The following AJAP1 variants were observed in gnomAD, a reference collection of about 807,000 sequenced individuals.
AJAP1 encodes adherens junctions associated protein 1.
AJAP1 carries 5 observed loss-of-function variants against 35.0 expected under a neutral mutation model. That is an observed-to-expected ratio of 0.14 (90% CI 0.07 to 0.30). AJAP1 has a LOEUF of 0.30. Among genes scored for constraint, AJAP1 ranks in the 10% least tolerant of loss-of-function variants. The pLI, the probability that AJAP1 is intolerant of heterozygous loss-of-function variation, is 1.00. For synonymous variants in AJAP1, 284 were observed against 249.3 expected (o/e 1.14, Z -1.31); for missense variants, 586 against 571.0 (o/e 1.03, Z -0.27).
At chr1:4,768,980 C>T (rs926096384) in intron 2 of AJAP1, among the ~76,000 whole-genome samples, 2 of 152,180 alleles carry the variant, frequency 1.3e-5, no homozygotes, top group Non-Finnish European at 2.9e-5. Flanking sequence ...GGTTTTGGGA[C>T]AGAGGTGGGG....
intron 1 of AJAP1, among the ~76,000 whole-genome samples, chr1:4,663,908 C>T (rs1355183622): frequency 2.6e-5 from 4 of 152,272 alleles, no homozygotes; most frequent in South Asian, 2.1e-4. Flanking sequence ...CTGCCCTTTT[C>T]GGGAGGCCTG....
chr1:4,752,885 C>A (rs1641349794), intron 2 of AJAP1, among the ~76,000 whole-genome samples: 1 of 152,200 alleles, frequency 6.6e-6, no homozygotes, highest in South Asian at 2.1e-4. Context: ...CCTTGCAGAG[C>A]CCCCAAAGAC....
intron 2 of AJAP1, among the ~76,000 whole-genome samples, chr1:4,749,520 T>C (rs1641273557): frequency 6.6e-6 from 1 of 151,868 alleles, no homozygotes; most frequent in Non-Finnish European, 1.5e-5. Flanking sequence ...CACTGCCGGC[T>C]TCCGGAGGAT....
Position 4,768,184 on chromosome 1 carries a change from G to A in AJAP1, c.830-1669G>A, listed in dbSNP as rs557316898. ...GCAGCACCTTTATTCAGGGGGCATC[G>A]GAGCAGCTGTTGCCTGTGGGTGAGC... On this transcript the variant is annotated intron_variant, in intron 2 of 5. Coordinates refer to ENST00000378191, the MANE Select transcript of AJAP1 (RefSeq NM_018836.4). 3.3e-5 allele frequency among the ~76,000 whole-genome samples: 5 copies of A among 152,336 alleles called. No individual in the cohort carries two copies. In the South Asian group the frequency reaches 6.2e-4, roughly 19 times the overall value.
Position 4,783,521 on chromosome 1 carries a change from G to GTGTA in AJAP1, c.*1037_*1038insGTAT. On this transcript the variant is annotated 3_prime_UTR_variant, in exon 6 of 6. Transcript: ENST00000378191. Reference sequence around the variant, plus strand: ...TATATATATATATATGTTTGTGTGTGTATATATATATATATATATATATGT... The same window carrying GTGTA: ...TATATATATATATATGTTTGTGTGTGTGTATATATATATATATATATATATATGT... 1 of 120,428 alleles carries GTGTA rather than the reference G, an allele frequency of 8.3e-6. No homozygotes were observed. The highest frequency in any genetic ancestry group is 2.8e-4 in the South Asian group (1 of 3,548). The allele number at this position is 120,428 out of a possible 1,614,324, so 7.5% of individuals were successfully genotyped here. A position where few individuals can be genotyped will look rare whatever the true frequency, so the allele number is the denominator to read the frequency against.
chr1:4,685,549 G>T (rs1639585602), intron 1 of AJAP1, among the ~76,000 whole-genome samples: 2 of 152,302 alleles, frequency 1.3e-5, no homozygotes, highest in African/African-American at 4.8e-5. Context: ...CTGGAGCCTG[G>T]CAGGAGCCAT....
At chr1:4,697,794 C>T (rs1259315958) in intron 1 of AJAP1, among the ~76,000 whole-genome samples, 2 of 152,236 alleles carry the variant, frequency 1.3e-5, no homozygotes, top group Non-Finnish European at 2.9e-5. Flanking sequence ...GCACAGCCAC[C>T]TCAGCAAAGG....
At position 4,783,187 on chromosome 1, in the gene AJAP1, C is replaced by T; in HGVS notation, c.*702C>T. ...AATAAACCAGTGTTTTCTACTTTGG[C>T]AACTCACGTCACACACATATTACAC... is the stretch of plus-strand genomic sequence containing the variant. On this transcript the variant is annotated 3_prime_UTR_variant, in exon 6 of 6. Transcript: ENST00000378191. The T allele has an allele frequency of 5.1e-6, 1 of 197,502 alleles. No individual in the cohort carries two copies. The highest frequency in any genetic ancestry group is 1.0e-5 in the Non-Finnish European group (1 of 99,274). The allele number at this position is 197,502 out of a possible 1,614,324, so 12.2% of individuals were successfully genotyped here.
chr1:4,743,857 A>G (rs1282362360), intron 2 of AJAP1, among the ~76,000 whole-genome samples: 1 of 152,194 alleles, frequency 6.6e-6, no homozygotes, highest in Non-Finnish European at 1.5e-5. Context: ...TGATGCCTGC[A>G]TGCTGATTCA....
At position 4,711,883 on chromosome 1, in the gene AJAP1, CT is replaced by C. The variant is rs1443053997; in HGVS notation, c.30-14del. On this transcript the variant is annotated splice_polypyrimidine_tract_variant and intron_variant, in intron 1 of 5. Transcript: ENST00000378191. Reference sequence around the variant, plus strand: ...GGCTTCCACTGACCGCTCTTCTCTCCTTTCCCCCCCGCACAGCTCCATGTCC... The same window carrying C: ...GGCTTCCACTGACCGCTCTTCTCTCCTTCCCCCCCGCACAGCTCCATGTCC... 2.1e-6 allele frequency: 3 copies of C among 1,449,516 alleles called. No individual in the cohort carries two copies. Among genetic ancestry groups the C allele is most frequent in the Admixed American group, 5.6e-5 (2 of 35,564 alleles). The allele number at this position is 1,449,516 out of a possible 1,614,324, so 89.8% of individuals were successfully genotyped here.
intron 2 of AJAP1, among the ~76,000 whole-genome samples, chr1:4,735,793 A>T (rs1175435407): frequency 6.6e-6 from 1 of 152,164 alleles, no homozygotes; most frequent in East Asian, 1.9e-4. Flanking sequence ...CATCTTCCTG[A>T]AAATGGGGCA....
chr1:4,673,346 C>T (rs1639288066), intron 1 of AJAP1, among the ~76,000 whole-genome samples: 2 of 152,228 alleles, frequency 1.3e-5, no homozygotes, highest in Admixed American at 6.5e-5. Flanking sequence ...CCAGTGTTCT[C>T]ACACTTTCTC....
chr1:4,779,406 G>A (rs1642017961), intron 5 of AJAP1, among the ~76,000 whole-genome samples: 1 of 151,070 alleles, frequency 6.6e-6, no homozygotes, highest in Non-Finnish European at 1.5e-5. Flanking sequence ...CTCGATCTCA[G>A]CTCGCTGTAA....
At chr1:4,777,043 T>G (rs1360723697) in intron 5 of AJAP1, among the ~76,000 whole-genome samples, 1 of 152,174 alleles carries the variant, frequency 6.6e-6, no homozygotes, top group Non-Finnish European at 1.5e-5. Flanking sequence ...AAGATTCTGT[T>G]GCCGATTGCG....
intron 2 of AJAP1, among the ~76,000 whole-genome samples, chr1:4,715,129 G>A (rs1254245549): frequency 1.3e-5 from 2 of 152,188 alleles, no homozygotes; most frequent in African/African-American, 4.8e-5. Flanking sequence ...CCCCTTGCTT[G>A]GCAGTCATCA....
Position 4,656,476 on chromosome 1 carries a change from G to A in AJAP1, c.29+1022G>A, listed in dbSNP as rs1164961500. Among the ~76,000 whole-genome samples, 1 of 152,220 alleles carries A rather than the reference G, an allele frequency of 6.6e-6. No individual in the cohort carries two copies. The highest frequency in any genetic ancestry group is 1.5e-5 in the Non-Finnish European group (1 of 68,048). ...TCGAGTTTGTCCACTGGGATGCACT[G>A]CGCTCCCGCGTTGGGGACGAAAAGG... On this transcript the variant is annotated intron_variant, in intron 1 of 5. Transcript: ENST00000378191. The surrounding 1 kb of genome is among the most constrained non-coding windows in gnomAD (Gnocchi z 5.7).
chr1:4,738,091 T>C (rs1640972718), intron 2 of AJAP1, among the ~76,000 whole-genome samples: 1 of 152,212 alleles, frequency 6.6e-6, no homozygotes, highest in South Asian at 2.1e-4. Flanking sequence ...CAAATTTTAC[T>C]CATTCCAAAT....
intron 2 of AJAP1, among the ~76,000 whole-genome samples, chr1:4,737,632 A>G (rs895219155): frequency 2.6e-5 from 4 of 152,182 alleles, no homozygotes; most frequent in Non-Finnish European, 5.9e-5. Flanking sequence ...AGTGGTTCAC[A>G]GTTATAATCC....
At chr1:4,684,663 T>TAATGGACCAAATGGACCAAATGG (rs1229860378) in intron 1 of AJAP1, among the ~76,000 whole-genome samples, 6 of 152,166 alleles carry the variant, frequency 3.9e-5, no homozygotes, top group African/African-American at 1.4e-4. Flanking sequence ...CAAATGGACC[T>TAATGGACCAAATGGACCAAATGG]ACATCATTCA....
Sources: gnomAD v4.1 joint callset for allele counts (sites outside exome capture counted in the v4.1 genomes callset) on GRCh38, gnomAD v4.1.1 for gene constraint, Gnocchi (gnomAD v3.1) non-coding constraint, MANE v1.5 for transcripts, NCBI Gene and HGNC (gene_info 2026-07-23, HGNC 2026-07-21) for gene names.